Variants in ASIC4 observed in about 807,000 individuals in gnomAD.
The protein encoded by ASIC4 is acid-sensing ion channel 4.
In ASIC4, 28 loss-of-function variants were observed where a neutral mutation model predicts 53.4. That is an observed-to-expected ratio of 0.52 (90% CI 0.39 to 0.72). ASIC4 has a LOEUF of 0.72. Ranked by LOEUF, ASIC4 falls within the 30% of genes least tolerant of loss-of-function variation. ASIC4 has a pLI of 0.00. For missense variants in ASIC4, 649 were observed against 729.7 expected (o/e 0.89, Z 1.27); for synonymous variants, 289 against 301.4 (o/e 0.96, Z 0.43).
chr2:219,536,798 C>T lies in ASIC4; in HGVS notation c.1230-268C>T, dbSNP rs1695145363. On this transcript the variant is annotated intron_variant, in intron 6 of 9. Coordinates refer to ENST00000358078, the MANE Select transcript of ASIC4 (RefSeq NM_018674.6). This position sits in a 1 kb window ranked among gnomAD's most constrained non-coding sequence, Gnocchi z 4.6. ...AGGCGTAAGGAGGAGGCAAAGGCAACACCACTGGCTGCTTTAGAGGAGGGA... is the reference window on the plus strand; with the variant it reads ...AGGCGTAAGGAGGAGGCAAAGGCAATACCACTGGCTGCTTTAGAGGAGGGA... Among the ~76,000 whole-genome samples, 1 of 152,028 alleles carries T rather than the reference C, an allele frequency of 6.6e-6. No homozygotes were observed. Among genetic ancestry groups the T allele is most frequent in the African/African-American group, 2.4e-5 (1 of 41,354 alleles).
In ASIC4 at chr2:219,516,159, A is replaced by G. The variant is rs1694785395; in HGVS notation, c.582+853A>G. Among the ~76,000 whole-genome samples, 1 of 152,062 alleles carries G rather than the reference A, an allele frequency of 6.6e-6. No individual in the cohort carries two copies. Among genetic ancestry groups the G allele is most frequent in the Non-Finnish European group, 1.5e-5 (1 of 68,004 alleles). ...TCACTGTCCCTGTCACTACACTCAC[A>G]TGCACACCTGCACACCCACACCCAG... On this transcript the variant is annotated intron_variant, in intron 1 of 9. Coordinates refer to ENST00000358078, the MANE Select transcript of ASIC4 (RefSeq NM_018674.6). This position sits in a 1 kb window ranked among gnomAD's most constrained non-coding sequence, Gnocchi z 4.9.
intron 1 of ASIC4, among the ~76,000 whole-genome samples, chr2:219,521,903 A>G (rs1364653974): frequency 6.6e-6 from 1 of 152,176 alleles, no homozygotes; most frequent in Non-Finnish European, 1.5e-5. Flanking sequence ...TTTGCAAATC[A>G]TGGTGGAAAC....
At chr2:219,529,604 A>G (rs1292493653) in intron 1 of ASIC4, among the ~76,000 whole-genome samples, 2 of 152,146 alleles carry the variant, frequency 1.3e-5, no homozygotes, top group Non-Finnish European at 2.9e-5. Flanking sequence ...AATGGTTTGC[A>G]GGAGCAGCTG....
chr2:219,521,264 C>T (rs959520620), intron 1 of ASIC4, among the ~76,000 whole-genome samples: 1 of 152,236 alleles, frequency 6.6e-6, no homozygotes, highest in Non-Finnish European at 1.5e-5. Flanking sequence ...AGCCCCGTGG[C>T]CTCTTCATTA....
chr2:219,512,434 A>G (rs1007107629), upstream of ASIC4, among the ~76,000 whole-genome samples: 6 of 152,190 alleles, frequency 3.9e-5, no homozygotes, highest in Non-Finnish European at 8.8e-5. Flanking sequence ...AAAGCCCCAG[A>G]CTAAAGTAAC....
rs1247520600 is a variant in ASIC4 at position 219,538,341 on chromosome 2, G to A, written c.*295G>A. On this transcript the variant is annotated 3_prime_UTR_variant, in exon 10 of 10. Transcript: ENST00000358078. ...GGGGAGGATAGAGCCCATCCCAGCC[G>A]GGGAGGGGGAGCCCTCTGTACATTT... 2.3e-5 allele frequency: 8 copies of A among 351,162 alleles called. No individual in the cohort carries two copies. Among genetic ancestry groups the A allele is most frequent in the Admixed American group, 8.9e-5 (2 of 22,428 alleles). The allele number at this position is 351,162 out of a possible 1,614,324, so 21.8% of individuals were successfully genotyped here. A position where few individuals can be genotyped will look rare whatever the true frequency, so the allele number is the denominator to read the frequency against.
At chr2:219,535,467 G>A (rs1044962684) in intron 6 of ASIC4, 143 bp downstream of exon 6, 32 of 998,482 alleles carry the variant, frequency 3.2e-5, no homozygotes, top group Non-Finnish European at 4.0e-5. Context: ...GTGTGTATGT[G>A]TGTGGGGTGT....
intron 1 of ASIC4, among the ~76,000 whole-genome samples, chr2:219,520,836 A>G (rs1030095537): frequency 6.6e-6 from 1 of 152,186 alleles, no homozygotes; most frequent in Non-Finnish European, 1.5e-5. Flanking sequence ...GTGGGGTCTG[A>G]GGAGAACTGA....
intron 1 of ASIC4, among the ~76,000 whole-genome samples, chr2:219,523,330 C>A (rs1023791601): frequency 1.3e-5 from 2 of 151,974 alleles, no homozygotes; most frequent in African/African-American, 4.9e-5. Flanking sequence ...GTTCTCCTCT[C>A]CCGTGGAAGC....
At chr2:219,514,325 G>A (rs1225916908), upstream of ASIC4, 1 of 1,526,702 alleles carries the variant, frequency 6.6e-7, no homozygotes, top group African/African-American at 1.4e-5. Flanking sequence ...TATTAAGCGT[G>A]GGGAGGGCTC....
upstream of ASIC4, among the ~76,000 whole-genome samples, chr2:219,510,479 C>T (rs922260549): frequency 6.6e-6 from 1 of 152,338 alleles, no homozygotes; most frequent in African/African-American, 2.4e-5. This position sits in a 1 kb window ranked among gnomAD's most constrained non-coding sequence, Gnocchi z 5.2. Context: ...CCCACTCCCA[C>T]GATGGCTGCG....
In ASIC4 at chr2:219,515,227, G is replaced by T; in HGVS notation, c.503G>T (p.Arg168Leu). Residue 168 changes from arginine to leucine, a missense_variant, in exon 1 of 10, where the codon CGC (arginine) becomes CTC (leucine). Physicochemically the swap from Arg to Leu is moderately radical, Grantham distance 102 (BLOSUM62 -2). Coordinates refer to ENST00000358078, the MANE Select transcript of ASIC4 (RefSeq NM_018674.6). ...PEPDMVDILN[R>L]TGHQLADMLK... is the part of the protein sequence containing the mutation. ...CCTGACATGGTAGACATCCTCAACC[G>T]CACTGGCCACCAGCTCGCCGACATG... 1.9e-6 allele frequency: 3 copies of T among 1,614,160 alleles called. No individual in the cohort carries two copies. Among genetic ancestry groups the T allele is most frequent in the Non-Finnish European group, 2.5e-6 (3 of 1,180,008 alleles).
intron 1 of ASIC4, among the ~76,000 whole-genome samples, chr2:219,527,188 G>A (rs1368181773): frequency 6.6e-6 from 1 of 152,172 alleles, no homozygotes; most frequent in African/African-American, 2.4e-5. Context: ...AGGAGCTGAT[G>A]GCTCCACCCA....
upstream of ASIC4, among the ~76,000 whole-genome samples, chr2:219,512,077 T>C (rs1392312958): frequency 2.0e-5 from 3 of 151,776 alleles, no homozygotes; most frequent in East Asian, 3.9e-4. Flanking sequence ...GGCTGGGGGC[T>C]TGGGGACAAT....
In ASIC4 at chr2:219,522,006, T is replaced by C. The variant is rs955533051; in HGVS notation, c.582+6700T>C. On this transcript the variant is annotated intron_variant, in intron 1 of 9. Coordinates refer to ENST00000358078, the MANE Select transcript of ASIC4 (RefSeq NM_018674.6). ...GAGTGGAGATGGGAAGGTTCAGTGG[T>C]GTGTTTTCTAGGAAGAGGTGGGCAG... 2.0e-5 allele frequency among the ~76,000 whole-genome samples: 3 copies of C among 152,038 alleles called. No individual in the cohort carries two copies. In the East Asian group the frequency reaches 5.8e-4, roughly 29 times the overall value.
Position 219,537,691 on chromosome 2 carries a change from C to T in ASIC4, c.1461C>T (p.Ser487=), listed in dbSNP as rs772706930. 1.2e-6 allele frequency: 2 copies of T among 1,614,120 alleles called. No individual in the cohort carries two copies. Among genetic ancestry groups the T allele is most frequent in the Non-Finnish European group, 1.7e-6 (2 of 1,179,986 alleles). The change falls in exon 9 of 10, where the codon TCC becomes TCT. Residue 487 remains serine (S), a synonymous_variant. Coordinates refer to ENST00000358078, the MANE Select transcript of ASIC4 (RefSeq NM_018674.6). The surrounding 1 kb of genome is among the most constrained non-coding windows in gnomAD (Gnocchi z 4.9). ...GTCCCAAGACCCCCCTGCGGACCTC[C>T]ACTGGGGGCATCTCCACTTTGGGGC... The part of the protein sequence containing the change: ...WRRPKTPLRT[S]TGGISTLGLQ...
At chr2:219,510,547 G>C (rs1694687628), upstream of ASIC4, among the ~76,000 whole-genome samples, 1 of 152,140 alleles carries the variant, frequency 6.6e-6, no homozygotes, top group South Asian at 2.1e-4. The surrounding 1 kb of genome is among the most constrained non-coding windows in gnomAD (Gnocchi z 5.2). Flanking sequence ...GGCCAGCCAG[G>C]ATTTTTCATC....
chr2:219,525,440 C>T (rs1400164254), intron 1 of ASIC4, among the ~76,000 whole-genome samples: 5 of 152,360 alleles, frequency 3.3e-5, no homozygotes, highest in Admixed American at 3.3e-4. Flanking sequence ...AAACCAGGGC[C>T]TGCTGACTCC....
intron 4 of ASIC4, 119 bp from the exon 5 acceptor site, chr2:219,532,764 A>C: frequency 1.9e-6 from 2 of 1,044,714 alleles, no homozygotes; most frequent in Non-Finnish European, 2.9e-6. Flanking sequence ...TGTGGTGTTC[A>C]AGCACATTTA....
Sources: gnomAD v4.1 joint callset for allele counts (sites outside exome capture counted in the v4.1 genomes callset) on GRCh38, gnomAD v4.1.1 for gene constraint, Gnocchi (gnomAD v3.1) non-coding constraint, MANE v1.5 for transcripts, NCBI Gene and HGNC (gene_info 2026-07-23, HGNC 2026-07-21) for gene names.